The following FGF12 variants were observed in gnomAD, a reference collection of about 807,000 sequenced individuals.
FGF12 encodes the protein fibroblast growth factor 12B.
A neutral mutation model predicts 23.6 loss-of-function variants in FGF12; 14 were observed. The ratio of observed to expected loss-of-function variants is 0.59; its 90% CI spans 0.39 to 0.93. The LOEUF (loss-of-function observed/expected upper bound fraction) is 0.93. Among genes scored for constraint, FGF12 ranks in the 40% least tolerant of loss-of-function variants. The pLI, the probability that FGF12 is intolerant of heterozygous loss-of-function variation, is 0.00. For missense variants in FGF12, 175 were observed against 217.8 expected, an observed-to-expected ratio of 0.80 and a Z score of 1.24; for synonymous variants, 62 against 77.3, an observed-to-expected ratio of 0.80 and a Z score of 1.04.
intron 2 of FGF12, among the ~76,000 whole-genome samples, chr3:192,489,933 C>T (rs1723750080): frequency 6.6e-6 from 1 of 152,014 alleles, no homozygotes; most frequent in East Asian, 1.9e-4. Flanking sequence ...CCCCATGACA[C>T]ATGTTTATCT....
chr3:192,423,260 A>G (rs1182017301), intron 2 of FGF12, among the ~76,000 whole-genome samples: 2 of 152,192 alleles, frequency 1.3e-5, no homozygotes, highest in Non-Finnish European at 2.9e-5. Flanking sequence ...CAATTCTCCT[A>G]GAGCCACTAA....
chr3:192,424,970 G>A (rs1721648877), intron 2 of FGF12, among the ~76,000 whole-genome samples: 1 of 152,116 alleles, frequency 6.6e-6, no homozygotes. Context: ...GAGTTGTCAT[G>A]CATACACATA....
rs76412069 is a variant in FGF12, at chr3:192,298,950, A to C, written c.228+36411T>G. Among the ~76,000 whole-genome samples the C allele has an allele frequency of 7.0e-3, 1,061 of 152,282 alleles. 13 individuals are homozygous for C. The highest frequency in any genetic ancestry group is 0.024 in the African/African-American group (992 of 41,554). Reference sequence around the variant, plus strand: ...AGGTTCTTTTTAACACACAGATCTCATTGGAACTAAGAGTGAGAACTCATT... The same window carrying C: ...AGGTTCTTTTTAACACACAGATCTCCTTGGAACTAAGAGTGAGAACTCATT... On this transcript the variant is annotated intron_variant, in intron 4 of 5. Transcript: ENST00000445105.
intron 2 of FGF12, among the ~76,000 whole-genome samples, chr3:192,617,777 G>T (rs1203402638): frequency 6.6e-6 from 1 of 152,036 alleles, no homozygotes; most frequent in Non-Finnish European, 1.5e-5. Flanking sequence ...GAGATGAGAA[G>T]AAATTGACAA....
In FGF12 at chr3:192,393,258, A is replaced by C. The variant is rs78810232; in HGVS notation, c.14-32720T>G. Among the ~76,000 whole-genome samples, 1,471 of 152,332 alleles carry C rather than the reference A, an allele frequency of 9.7e-3. 26 individuals are homozygous for C. Among genetic ancestry groups the C allele is most frequent in the African/African-American group, 0.034 (1,402 of 41,572 alleles). On this transcript the variant is annotated intron_variant, in intron 2 of 5. Coordinates refer to ENST00000445105, the MANE Select transcript of FGF12 (RefSeq NM_004113.6). ...CGTAAGGGACTAACCTCAAGAAATGACTTTATTAGCACCCTGTTCTAATCA... is the reference window on the plus strand; with the variant it reads ...CGTAAGGGACTAACCTCAAGAAATGCCTTTATTAGCACCCTGTTCTAATCA...
At chr3:192,334,221 C>T (rs1032623994) in intron 4 of FGF12, among the ~76,000 whole-genome samples, 1 of 151,994 alleles carries the variant, frequency 6.6e-6, no homozygotes, top group African/African-American at 2.4e-5. Flanking sequence ...AGGAGGCAGA[C>T]GGAGTTCAGA....
intron 5 of FGF12, among the ~76,000 whole-genome samples, chr3:192,167,772 ATTTTTTTTT>A (rs368951795): frequency 1.9e-4 from 3 of 15,396 alleles, no homozygotes; most frequent in Non-Finnish European, 3.7e-4. Flanking sequence ...TATATATAAA[ATTTTTTTTT>A]TTTTTTTTTT....
intron 4 of FGF12, among the ~76,000 whole-genome samples, chr3:192,302,566 G>A (rs532573848): frequency 6.6e-6 from 1 of 152,252 alleles, no homozygotes; most frequent in African/African-American, 2.4e-5. Flanking sequence ...GACCAGGCAC[G>A]GGACTAGGTC....
intron 4 of FGF12, among the ~76,000 whole-genome samples, chr3:192,231,168 C>T (rs1718998707): frequency 6.6e-6 from 1 of 152,118 alleles, no homozygotes; most frequent in Admixed American, 6.5e-5. Context: ...GTTCCGAATT[C>T]TTCTCTGTAT....
intron 2 of FGF12, among the ~76,000 whole-genome samples, chr3:192,524,813 A>G (rs778126564): frequency 6.6e-6 from 1 of 152,074 alleles, no homozygotes; most frequent in Non-Finnish European, 1.5e-5. Flanking sequence ...GGCTATATGT[A>G]CTACCTTCAC....
chr3:192,218,855 C>T (rs1718330059), intron 4 of FGF12, among the ~76,000 whole-genome samples: 1 of 152,148 alleles, frequency 6.6e-6, no homozygotes, highest in Non-Finnish European at 1.5e-5. Flanking sequence ...GCTAGATTTG[C>T]TCCACATTTA....
In FGF12 at chr3:192,669,602, TAAAAAAAAA is replaced by T. The variant is rs59897483; in HGVS notation, c.13+57570_13+57578del. On this transcript the variant is annotated intron_variant, in intron 2 of 5. Transcript: ENST00000445105. ...CTGGAGACAGAGAAAGACTCTGTCT[TAAAAAAAAA>T]AAAAAAAAAAAAAAAAAAAAAATTG... Among the ~76,000 whole-genome samples the T allele has an allele frequency of 1.3e-4, 8 of 59,528 alleles. No homozygotes were observed. In the Admixed American group the frequency reaches 2.0e-3, roughly 15 times the overall value. The allele number at this position is 59,528 out of a possible 152,430, so 39.1% of individuals were successfully genotyped here.
Position 192,327,492 on chromosome 3 carries a change from C to G in FGF12, c.228+7869G>C, listed in dbSNP as rs146310136. On this transcript the variant is annotated intron_variant, in intron 4 of 5. Transcript: ENST00000445105. ...AAATTCTCATTTAGTTCATAAACTACCTAATTCAGATTTGGACAATAAATA... is the reference window on the plus strand; with the variant it reads ...AAATTCTCATTTAGTTCATAAACTAGCTAATTCAGATTTGGACAATAAATA... 1.1e-4 allele frequency among the ~76,000 whole-genome samples: 17 copies of G among 151,862 alleles called. 1 individual carries two copies. The East Asian group carries it at 3.3e-3, about 29-fold the overall frequency.
intron 5 of FGF12, among the ~76,000 whole-genome samples, chr3:192,150,550 C>G (rs1713993025): frequency 6.9e-6 from 1 of 145,550 alleles, no homozygotes; most frequent in Admixed American, 7.0e-5. Context: ...CCAGTTTTCC[C>G]AGCACCATTT....
intron 4 of FGF12, among the ~76,000 whole-genome samples, chr3:192,171,978 C>T (rs1577201298): frequency 6.6e-6 from 1 of 151,190 alleles, no homozygotes; most frequent in Non-Finnish European, 1.5e-5. Context: ...ACTCCCGGGC[C>T]CAGAAGATCC....
At chr3:192,638,608 A>G (rs974563976) in intron 2 of FGF12, among the ~76,000 whole-genome samples, 1 of 152,244 alleles carries the variant, frequency 6.6e-6, no homozygotes. Flanking sequence ...ATAATAAACA[A>G]TGATAGCTCT....
At chr3:192,704,515 C>T (rs1291601432) in intron 2 of FGF12, among the ~76,000 whole-genome samples, 1 of 152,198 alleles carries the variant, frequency 6.6e-6, no homozygotes. Context: ...AATGGCCTTT[C>T]ATCAAGGATT....
intron 2 of FGF12, among the ~76,000 whole-genome samples, chr3:192,566,434 A>G (rs1344153211): frequency 6.6e-6 from 1 of 152,258 alleles, no homozygotes; most frequent in Non-Finnish European, 1.5e-5. Flanking sequence ...CAATAGCCAT[A>G]AGGCTGGAGA....
At chr3:192,515,078 G>GCTTC (rs1208163673) in intron 2 of FGF12, 1 of 154,312 alleles carries the variant, frequency 6.5e-6, no homozygotes, top group Non-Finnish European at 1.4e-5. Context: ...GCGGGTCGGT[G>GCTTC]CTTCCTTACA....
Sources: allele counts gnomAD v4.1 joint callset (sites outside exome capture counted in the v4.1 genomes callset), GRCh38; gene constraint gnomAD v4.1.1; transcripts MANE v1.5; gene names NCBI Gene and HGNC (gene_info 2026-07-23, HGNC 2026-07-21).